The following BID variants were observed in gnomAD, a reference collection of about 807,000 sequenced individuals.
The protein encoded by BID is BH3-interacting domain death agonist.
A neutral mutation model predicts 17.4 loss-of-function variants in BID; 19 were observed. That is an observed-to-expected ratio of 1.09 (90% CI 0.76 to 1.60). BID has a LOEUF of 1.60. BID is among the 40% of genes most tolerant of loss of function. The pLI, the probability that BID is intolerant of heterozygous loss-of-function variation, is 0.00. For missense variants in BID, 226 were observed against 256.0 expected (o/e 0.88, Z 0.80); for synonymous variants, 108 against 102.8 (o/e 1.05, Z -0.31).
intron 1 of BID, among the ~76,000 whole-genome samples, chr22:17,754,735 T>A (rs982170124): frequency 2.0e-5 from 3 of 152,204 alleles, no homozygotes; most frequent in Non-Finnish European, 4.4e-5. Flanking sequence ...ACTCACTGAA[T>A]TTCTTTTCCA....
At chr22:17,738,800 G>A (rs1456078738) in intron 4 of BID, among the ~76,000 whole-genome samples, 1 of 152,098 alleles carries the variant, frequency 6.6e-6, no homozygotes, top group Non-Finnish European at 1.5e-5. Flanking sequence ...TGGTAGAGTC[G>A]AAAAAGTGGA....
chr22:17,758,320 C>T (rs1041012763), intron 1 of BID, among the ~76,000 whole-genome samples: 5 of 152,216 alleles, frequency 3.3e-5, no homozygotes, highest in South Asian at 2.1e-4. Context: ...TTCACAAATA[C>T]GGCATTCCAG....
intron 2 of BID, among the ~76,000 whole-genome samples, chr22:17,745,193 G>C (rs1445484759): frequency 6.6e-6 from 1 of 152,082 alleles, no homozygotes; most frequent in Non-Finnish European, 1.5e-5. Flanking sequence ...TGGGATTACA[G>C]GTGTGCATCA....
intron 1 of BID, among the ~76,000 whole-genome samples, chr22:17,765,349 A>C (rs920265447): frequency 6.6e-6 from 1 of 152,238 alleles, no homozygotes; most frequent in Non-Finnish European, 1.5e-5. Flanking sequence ...CTGCAGGCCA[A>C]GATACGGCCT....
At chr22:17,742,330 G>A (rs2061465352) in intron 3 of BID, among the ~76,000 whole-genome samples, 1 of 152,222 alleles carries the variant, frequency 6.6e-6, no homozygotes, top group Admixed American at 6.5e-5. Flanking sequence ...CACCCCCACA[G>A]CAGTGCTGAC....
At chr22:17,760,561 A>G (rs889191501) in intron 1 of BID, among the ~76,000 whole-genome samples, 2 of 152,040 alleles carry the variant, frequency 1.3e-5, no homozygotes, top group Non-Finnish European at 2.9e-5. Context: ...TTCCTCTTAC[A>G]TCTAGAAAAC....
Position 17,739,344 on chromosome 22 carries a change from C to T in BID, c.363+5G>A, listed in dbSNP as rs369311185. On this transcript the variant is annotated splice_donor_5th_base_variant and intron_variant, in intron 4 of 5. Coordinates refer to ENST00000622694, the MANE Select transcript of BID (RefSeq NM_001196.4). ...CGCCCACGCGGTCCTCAGGCCCTCA[C>T]TCACCTCCTCCGACCGGCTGGTGTT... 1.3e-6 allele frequency: 2 copies of T among 1,583,526 alleles called. No individual in the cohort carries two copies. The highest frequency in any genetic ancestry group is 1.7e-6 in the Non-Finnish European group (2 of 1,167,374).
At chr22:17,759,245 A>ACAAAAAAAAAAAAC (rs2061617360) in intron 1 of BID, among the ~76,000 whole-genome samples, 1 of 108,278 alleles carries the variant, frequency 9.2e-6, no homozygotes, top group African/African-American at 4.4e-5. Flanking sequence ...AAAAAACAAA[A>ACAAAAAAAAAAAAC]CAAAAAAAAA....
intron 2 of BID, among the ~76,000 whole-genome samples, chr22:17,745,778 C>A (rs911152899): frequency 1.3e-5 from 2 of 152,096 alleles, no homozygotes; most frequent in Non-Finnish European, 2.9e-5. Context: ...CCAGCCTGGC[C>A]AACATGATGA....
intron 3 of BID, among the ~76,000 whole-genome samples, chr22:17,743,532 G>A (rs1431555275): frequency 3.3e-5 from 5 of 152,232 alleles, no homozygotes; most frequent in Admixed American, 2.0e-4. Context: ...GTCCAGACAA[G>A]GGACTCAAGA....
intron 1 of BID, among the ~76,000 whole-genome samples, chr22:17,768,473 G>A (rs1467255206): frequency 1.3e-5 from 2 of 152,232 alleles, no homozygotes; most frequent in East Asian, 1.9e-4. Context: ...GGGGCATGGT[G>A]GATGGCAGGG....
At chr22:17,771,498 A>G (rs2061720302) in intron 1 of BID, among the ~76,000 whole-genome samples, 1 of 146,644 alleles carries the variant, frequency 6.8e-6, no homozygotes, top group African/African-American at 2.6e-5. Context: ...TATAGCCTTG[A>G]CCTCCCGGGC....
intron 2 of BID, among the ~76,000 whole-genome samples, chr22:17,744,912 C>T (rs1161733343): frequency 2.0e-5 from 3 of 152,138 alleles, no homozygotes; most frequent in Non-Finnish European, 2.9e-5. Flanking sequence ...AAAAAGACCT[C>T]CTGGGCTGCC....
At chr22:17,772,122 C>T (rs1307181046) in intron 1 of BID, among the ~76,000 whole-genome samples, 1 of 152,252 alleles carries the variant, frequency 6.6e-6, no homozygotes, top group African/African-American at 2.4e-5. Flanking sequence ...CGTCTGACCA[C>T]CGTGATGTGA....
rs62238877 is a variant in BID, at chr22:17,772,275, G to C, written c.-59+2106C>G. On this transcript the variant is annotated intron_variant, in intron 1 of 5. Coordinates refer to ENST00000622694, the MANE Select transcript of BID (RefSeq NM_001196.4). ...TATATGTGGCCGCTGAGGGCGGTCC[G>C]CCAGGTATGGCAGCCATGGAGCTGC... Among the ~76,000 whole-genome samples the C allele has an allele frequency of 6.2e-3, 941 of 152,364 alleles. 5 individuals carry two copies. The highest frequency in any genetic ancestry group is 9.7e-3 in the Non-Finnish European group (659 of 68,038).
chr22:17,758,968 C>T (rs749786011), intron 1 of BID, among the ~76,000 whole-genome samples: 5 of 152,128 alleles, frequency 3.3e-5, no homozygotes, highest in African/African-American at 7.2e-5. Context: ...TGTGGTGGCT[C>T]ATGCCTGTAA....
Position 17,773,902 on chromosome 22 carries a change from T to A in BID, c.-59+479A>T. On this transcript the variant is annotated intron_variant, in intron 1 of 5. Coordinates refer to ENST00000622694, the MANE Select transcript of BID (RefSeq NM_001196.4). This position sits in a 1 kb window ranked among gnomAD's most constrained non-coding sequence, Gnocchi z 4.4. ...TGACCGCGCTTTGTCAGCCCTGAGC[T>A]CCGCTCGGGAGGAGCCGGCAGGTGT... 1 of 597,064 alleles carries A rather than the reference T, an allele frequency of 1.7e-6. No homozygotes were observed. The highest frequency in any genetic ancestry group is 3.0e-6 in the Non-Finnish European group (1 of 335,418). The allele number at this position is 597,064 out of a possible 1,614,324, so 37.0% of individuals were successfully genotyped here.
chr22:17,756,411 TCTTTCTTTCTTTCTTTCTTTC>T (rs1181398686), intron 1 of BID, among the ~76,000 whole-genome samples: 3,782 of 45,552 alleles, frequency 0.083, 180 homozygotes, highest in African/African-American at 0.26. Context: ...TTCTTTTTTC[TCTTTCTTTCTTTCTTTCTTTC>T]TTCTTTCTTT....
chr22:17,759,241 C>CAAAACAAAAAAAAAAAACAAAAAAAA (rs372290009), intron 1 of BID, among the ~76,000 whole-genome samples: 1 of 97,084 alleles, frequency 1.0e-5, no homozygotes, highest in Non-Finnish European at 1.8e-5. Context: ...AAACAAAAAA[C>CAAAACAAAAAAAAAAAACAAAAAAAA]AAAACAAAAA....
Sources: gnomAD v4.1 joint callset for allele counts (sites outside exome capture counted in the v4.1 genomes callset) on GRCh38, gnomAD v4.1.1 for gene constraint, Gnocchi (gnomAD v3.1) non-coding constraint, MANE v1.5 for transcripts, NCBI Gene and HGNC (gene_info 2026-07-23, HGNC 2026-07-21) for gene names.